DOK5: variants seen among roughly 807,000 people sequenced by gnomAD.
DOK5 encodes the protein docking protein 5.
A neutral mutation model predicts 43.3 loss-of-function variants in DOK5; 27 were observed. The ratio of observed to expected loss-of-function variants is 0.62; its 90% confidence interval spans 0.46 to 0.86. The LOEUF is 0.86. Among genes scored for constraint, DOK5 ranks in the 40% least tolerant of loss-of-function variants. The pLI is 0.00. For synonymous variants in DOK5, 146 were observed against 140.1 expected (o/e 1.04, Z -0.30); for missense variants, 373 against 392.9 (o/e 0.95, Z 0.43).
intron 1 of DOK5, among the ~76,000 whole-genome samples, chr20:54,525,974 A>G (rs1278207534): frequency 6.6e-6 from 1 of 151,940 alleles, no homozygotes; most frequent in Non-Finnish European, 1.5e-5. Context: ...TGAGTGTGAT[A>G]TTTTTTCATG....
At chr20:54,535,603 T>A (rs750382768) in intron 1 of DOK5, among the ~76,000 whole-genome samples, 1 of 152,146 alleles carries the variant, frequency 6.6e-6, no homozygotes, top group African/African-American at 2.4e-5. Context: ...TATTCTATAT[T>A]TGTTTTATCT....
intron 1 of DOK5, among the ~76,000 whole-genome samples, chr20:54,501,344 G>A (rs551939435): frequency 2.0e-5 from 3 of 151,758 alleles, no homozygotes; most frequent in African/African-American, 7.3e-5. Flanking sequence ...GTGGGCGCCT[G>A]TAGACCCAGC....
At chr20:54,516,245 A>G (rs959332611) in intron 1 of DOK5, among the ~76,000 whole-genome samples, 2 of 152,222 alleles carry the variant, frequency 1.3e-5, no homozygotes, top group African/African-American at 4.8e-5. Context: ...CTACAGATAC[A>G]TATTTAATTA....
intron 1 of DOK5, among the ~76,000 whole-genome samples, chr20:54,504,155 C>T (rs1236859584): frequency 1.3e-5 from 2 of 152,086 alleles, no homozygotes; most frequent in African/African-American, 2.4e-5. Flanking sequence ...CTAACTTTGT[C>T]CACCTTCCAG....
At chr20:54,517,015 G>C (rs1222603175) in intron 1 of DOK5, among the ~76,000 whole-genome samples, 1 of 152,056 alleles carries the variant, frequency 6.6e-6, no homozygotes, top group South Asian at 2.1e-4. Context: ...ACATATCTCG[G>C]GTTGATGTTT....
At chr20:54,580,076 A>G (rs1985587564) in intron 2 of DOK5, among the ~76,000 whole-genome samples, 1 of 152,128 alleles carries the variant, frequency 6.6e-6, no homozygotes, top group African/African-American at 2.4e-5. Flanking sequence ...AATGGTTTCC[A>G]GCTTCATCCA....
intron 6 of DOK5, among the ~76,000 whole-genome samples, chr20:54,630,795 T>C (rs374169247): frequency 1.2e-3 from 190 of 152,344 alleles, no homozygotes; most frequent in African/African-American, 4.4e-3. Flanking sequence ...TTTTTTGATA[T>C]AGCAGCAACA....
chr20:54,552,551 G>A (rs1205214752), intron 1 of DOK5, among the ~76,000 whole-genome samples: 1 of 151,780 alleles, frequency 6.6e-6, no homozygotes, highest in Non-Finnish European at 1.5e-5. Context: ...TGTACTACAT[G>A]TTTACTATAT....
At chr20:54,518,046 G>A (rs1230372687) in intron 1 of DOK5, among the ~76,000 whole-genome samples, 1 of 152,102 alleles carries the variant, frequency 6.6e-6, no homozygotes, top group Admixed American at 6.6e-5. Context: ...CCAGTACTGT[G>A]CTGAGTACTC....
intron 1 of DOK5, among the ~76,000 whole-genome samples, chr20:54,484,107 G>T (rs1981831505): frequency 6.6e-6 from 1 of 152,266 alleles, no homozygotes; most frequent in Middle Eastern, 3.4e-3. Flanking sequence ...GGTTGGGTGT[G>T]GTGGCTCACG....
intron 6 of DOK5, among the ~76,000 whole-genome samples, chr20:54,611,698 AT>A (rs1465951425): frequency 6.6e-6 from 1 of 152,262 alleles, no homozygotes; most frequent in Non-Finnish European, 1.5e-5. Flanking sequence ...AAATGTATAT[AT>A]AGAGCTTCAC....
At chr20:54,641,369 A>G (rs1979101853) in intron 6 of DOK5, among the ~76,000 whole-genome samples, 1 of 152,206 alleles carries the variant, frequency 6.6e-6, no homozygotes, top group South Asian at 2.1e-4. Flanking sequence ...ATGAACTACA[A>G]TGAGTTTTGG....
intron 2 of DOK5, among the ~76,000 whole-genome samples, chr20:54,561,864 T>C (rs1192297804): frequency 6.6e-6 from 1 of 152,090 alleles, no homozygotes; most frequent in Non-Finnish European, 1.5e-5. Flanking sequence ...TCCTTGTGGG[T>C]CAGTCTGGTC....
intron 1 of DOK5, among the ~76,000 whole-genome samples, chr20:54,480,515 A>G (rs1981626852): frequency 6.6e-6 from 1 of 152,222 alleles, no homozygotes; most frequent in Admixed American, 6.5e-5. Context: ...CATATCATCA[A>G]GAAATAACCA....
intron 1 of DOK5, among the ~76,000 whole-genome samples, chr20:54,543,719 A>G (rs932864556): frequency 6.6e-6 from 1 of 152,166 alleles, no homozygotes; most frequent in Non-Finnish European, 1.5e-5. Context: ...AAACTAGAAG[A>G]GAAACAGATT....
chr20:54,568,484 CTAT>C (rs1241251698), intron 2 of DOK5, among the ~76,000 whole-genome samples: 3 of 152,096 alleles, frequency 2.0e-5, no homozygotes, highest in Non-Finnish European at 4.4e-5. Flanking sequence ...AAATCACAGG[CTAT>C]TATTAGCCAA....
chr20:54,644,500 C>T (rs1411499417), intron 7 of DOK5, among the ~76,000 whole-genome samples: 2 of 151,524 alleles, frequency 1.3e-5, no homozygotes, highest in Non-Finnish European at 2.9e-5. Context: ...GTCAGGAGAT[C>T]GAGACCATCC....
intron 6 of DOK5, among the ~76,000 whole-genome samples, chr20:54,618,702 T>C (rs1274220983): frequency 6.6e-6 from 1 of 152,130 alleles, no homozygotes; most frequent in African/African-American, 2.4e-5. Context: ...CATCTATCAA[T>C]GTATAATATA....
chr20:54,532,225 A>G (rs1428766550), intron 1 of DOK5, among the ~76,000 whole-genome samples: 8 of 152,178 alleles, frequency 5.3e-5, no homozygotes, highest in Non-Finnish European at 7.4e-5. Context: ...TAGGATTACA[A>G]TTATCTCATG....
Sources: allele counts gnomAD v4.1 joint callset (sites outside exome capture counted in the v4.1 genomes callset), GRCh38; gene constraint gnomAD v4.1.1; transcripts MANE v1.5; gene names NCBI Gene and HGNC (gene_info 2026-07-23, HGNC 2026-07-21).